NADK: variants seen among roughly 807,000 people sequenced by gnomAD.
The protein encoded by NADK is NAD kinase.
In NADK, 22 loss-of-function variants were observed where a neutral mutation model predicts 49.8. The ratio of observed to expected loss-of-function variants is 0.44; its 90% CI spans 0.32 to 0.63. The LOEUF (loss-of-function observed/expected upper bound fraction) is 0.63. Ranked by LOEUF, NADK falls within the 30% of genes least tolerant of loss-of-function variation. NADK has a pLI of 0.06. For missense variants in NADK, 438 were observed against 609.4 expected (o/e 0.72, Z 2.96); for synonymous variants, 268 against 253.7 (o/e 1.06, Z -0.54).
At chr1:1,759,378 G>A in intron 3 of NADK, 4 of 1,276,782 alleles carry the variant, frequency 3.1e-6, no homozygotes, top group Non-Finnish European at 4.2e-6. Context: ...GTGGCGTGAA[G>A]CCAGCATGGC....
At chr1:1,757,340 A>G in intron 3 of NADK, 30 bp from the exon 4 acceptor site, 1 of 1,558,400 alleles carries the variant, frequency 6.4e-7, no homozygotes, top group Non-Finnish European at 8.8e-7. Flanking sequence ...AGTTCACACC[A>G]GCTGCGATCT....
At chr1:1,775,320 A>G (rs981277835) in intron 1 of NADK, among the ~76,000 whole-genome samples, 3 of 152,212 alleles carry the variant, frequency 2.0e-5, no homozygotes, top group African/African-American at 7.2e-5. Context: ...AACTCAATCA[A>G]TATTTGTTGC....
chr1:1,761,894 A>G (rs1210561445), intron 3 of NADK, 58 bp downstream of exon 3: 1 of 1,531,690 alleles, frequency 6.5e-7, no homozygotes, highest in East Asian at 2.3e-5. Flanking sequence ...CACTCACATG[A>G]TGGTCTAGGG....
intron 4 of NADK, 47 bp from the exon 5 acceptor site, chr1:1,756,655 C>T: frequency 6.2e-7 from 1 of 1,612,676 alleles, no homozygotes; most frequent in East Asian, 2.2e-5. Flanking sequence ...AGACCCCACC[C>T]TCCTGCAGGG....
intron 1 of NADK, among the ~76,000 whole-genome samples, chr1:1,766,992 G>C (rs113397606): frequency 8.4e-4 from 127 of 151,910 alleles, no homozygotes; most frequent in African/African-American, 2.9e-3. Flanking sequence ...GCAGCTCACT[G>C]CAACGTCTGC....
At chr1:1,755,302 A>C (rs1405547774) in intron 7 of NADK, 72 bp downstream of exon 7, 7 of 1,055,118 alleles carry the variant, frequency 6.6e-6, no homozygotes, top group African/African-American at 4.8e-5. Context: ...ATGAAAATAA[A>C]CCCCCCGCAA....
At chr1:1,761,821 T>C in intron 3 of NADK, 131 bp downstream of exon 3, 3 of 788,630 alleles carry the variant, frequency 3.8e-6, no homozygotes, top group South Asian at 1.6e-5. Context: ...AGAATCTTCC[T>C]CAACACAGCG....
chr1:1,759,796 C>G, intron 3 of NADK: 5 of 1,554,992 alleles, frequency 3.2e-6, no homozygotes, highest in Non-Finnish European at 4.4e-6. Flanking sequence ...ACGCCCTGGT[C>G]TGAGGGCTGA....
intron 2 of NADK, among the ~76,000 whole-genome samples, chr1:1,763,598 G>A (rs748265481): frequency 2.2e-5 from 3 of 138,338 alleles, no homozygotes; most frequent in East Asian, 2.1e-4. Context: ...CAGCCTGGGC[G>A]ACAGAGCAAG....
chr1:1,756,091 A>AC (rs1391261241), intron 6 of NADK, 167 bp downstream of exon 6: 1 of 664,568 alleles, frequency 1.5e-6, no homozygotes, highest in African/African-American at 1.8e-5. Flanking sequence ...CCCTGGCCCC[A>AC]CCGTCGCACC....
chr1:1,755,955 A>C, intron 6 of NADK: 1 of 524,954 alleles, frequency 1.9e-6, no homozygotes, highest in Non-Finnish European at 3.4e-6. Flanking sequence ...AGAGGAGCTC[A>C]AGGGAGGCCC....
chr1:1,774,504 C>T (rs1019378113), intron 1 of NADK, among the ~76,000 whole-genome samples: 22 of 152,102 alleles, frequency 1.4e-4, no homozygotes, highest in African/African-American at 5.1e-4. Flanking sequence ...ATCCGCCCGC[C>T]TTGGCCTCCC....
intron 2 of NADK, among the ~76,000 whole-genome samples, chr1:1,764,033 A>T (rs561549101): frequency 4.6e-5 from 7 of 152,334 alleles, no homozygotes; most frequent in African/African-American, 1.4e-4. Context: ...CTGAGTGGTG[A>T]CGTGGTGCCT....
intron 3 of NADK, chr1:1,758,425 C>A: frequency 6.2e-7 from 1 of 1,612,182 alleles, no homozygotes; most frequent in Non-Finnish European, 8.5e-7. Context: ...GAGCTCAGCA[C>A]CTGCCGGGTC....
chr1:1,766,852 C>G (rs1302305846), intron 1 of NADK, among the ~76,000 whole-genome samples: 1 of 151,888 alleles, frequency 6.6e-6, no homozygotes, highest in Non-Finnish European at 1.5e-5. Context: ...AGTGATCCTC[C>G]CAACTCAGCC....
intron 5 of NADK, 70 bp from the exon 6 acceptor site, chr1:1,756,413 C>T: frequency 6.2e-7 from 1 of 1,608,112 alleles, no homozygotes; most frequent in Non-Finnish European, 8.5e-7. Context: ...AGTGCGCAGA[C>T]ACCAATGACA....
Position 1,756,560 on chromosome 1 carries a change from T to C in NADK, c.442A>G (p.Ile148Val), listed in dbSNP as rs767263687. 16 of 1,614,016 alleles carry C rather than the reference T, an allele frequency of 9.9e-6. No individual in the cohort carries two copies. In the African/African-American group the frequency reaches 1.5e-4, roughly 15 times the overall value. ...VEKKVLEDPA[I>V]ASDESFGAVK... ...GCCCCAAAGCTTTCATCGCTGGCGA[T>C]GGCAGGGTCTTCTAGCACTTTCTTT... Residue 148 changes from isoleucine to valine, a missense_variant, in exon 5 of 12, where the codon ATC becomes GTC. By Grantham distance (29) the Ile-to-Val change is conservative (BLOSUM62 3). Coordinates refer to ENST00000341426, the MANE Select transcript of NADK (RefSeq NM_023018.5).
chr1:1,777,248 C>T (rs1472770574), intron 1 of NADK, among the ~76,000 whole-genome samples: 2 of 152,198 alleles, frequency 1.3e-5, no homozygotes, highest in Admixed American at 1.3e-4. Context: ...CTGCTGAGAG[C>T]AAACAGGCCT....
At position 1,757,466 on chromosome 1, in the gene NADK, G is replaced by A. The variant is rs113193525; in HGVS notation, c.264-156C>T. Among the ~76,000 whole-genome samples the A allele has an allele frequency of 4.9e-3, 744 of 152,010 alleles. 3 individuals carry two copies. The highest frequency in any genetic ancestry group is 0.017 in the African/African-American group (709 of 41,444). On this transcript the variant is annotated intron_variant, in intron 3 of 11. Coordinates refer to ENST00000341426, the MANE Select transcript of NADK (RefSeq NM_023018.5). ...CCACGGGCTCACAGGGCCTAGGGTC[G>A]CGCCACAGAGACAGGGTCAGGGGTC... is the stretch of plus-strand genomic sequence containing the variant.
Sources: gnomAD v4.1 joint callset for allele counts (sites outside exome capture counted in the v4.1 genomes callset) on GRCh38, gnomAD v4.1.1 for gene constraint, MANE v1.5 for transcripts, NCBI Gene and HGNC (gene_info 2026-07-23, HGNC 2026-07-21) for gene names.